The following INSL6 variants were observed in gnomAD, a reference collection of about 807,000 sequenced individuals.
The protein encoded by INSL6 is insulin like 6, also known as insulin-like peptide INSL6.
Under a neutral mutation model 9.4 loss-of-function variants are expected in INSL6, and 16 were observed. The observed-to-expected ratio is 1.70, with a 90% CI of 1.15 to 2.59. The LOEUF is 2.59. Among genes scored for constraint, INSL6 ranks in the 30% most tolerant of loss-of-function variants. The pLI is 0.00. For missense variants in INSL6, 391 were observed against 257.3 expected (o/e 1.52, Z -3.56); for synonymous variants, 154 against 96.9 (o/e 1.59, Z -3.46).
chr9:5,134,671 A>G (rs1824357818), intron 2 of INSL6, among the ~76,000 whole-genome samples: 1 of 152,194 alleles, frequency 6.6e-6, no homozygotes, highest in Non-Finnish European at 1.5e-5. Context: ...CCTGCCTAAC[A>G]AGAGCTCCTG....
At chr9:5,047,067 T>A in the INSL6 span, among the ~76,000 whole-genome samples, 6 of 152,346 alleles carry the variant, frequency 3.9e-5, no homozygotes, top group African/African-American at 1.4e-4. Flanking sequence ...AATTCCACCA[T>A]ATAATTCTAA....
At chr9:5,048,453 C>A in the INSL6 span, among the ~76,000 whole-genome samples, 1 of 152,060 alleles carries the variant, frequency 6.6e-6, no homozygotes, top group Non-Finnish European at 1.5e-5. Flanking sequence ...TCTACTAGTT[C>A]TATAGGGAAC....
the INSL6 span, chr9:5,050,586 A>C: frequency 1.2e-3 from 1,528 of 1,241,696 alleles, 25 homozygotes; most frequent in African/African-American, 0.022. Flanking sequence ...GTATCTTGTA[A>C]ATGCATATGT....
chr9:5,084,052 C>T, the INSL6 span, among the ~76,000 whole-genome samples: 12 of 151,880 alleles, frequency 7.9e-5, no homozygotes, highest in Non-Finnish European at 1.5e-4. Context: ...AGTTAATGTT[C>T]TTTTGCTTTT....
At chr9:5,072,194 A>G in the INSL6 span, among the ~76,000 whole-genome samples, 1 of 152,188 alleles carries the variant, frequency 6.6e-6, no homozygotes, top group Non-Finnish European at 1.5e-5. Flanking sequence ...ATGTAAGCAA[A>G]TGTAGGTAAA....
intron 2 of INSL6, among the ~76,000 whole-genome samples, chr9:5,139,699 G>C (rs1824455333): frequency 6.6e-6 from 1 of 152,162 alleles, no homozygotes; most frequent in Non-Finnish European, 1.5e-5. Context: ...AGTCCAAAGA[G>C]GTTAGCTTGA....
At chr9:5,001,595 T>C in the INSL6 span, among the ~76,000 whole-genome samples, 1 of 152,024 alleles carries the variant, frequency 6.6e-6, no homozygotes, top group African/African-American at 2.4e-5. Context: ...TCTATTATTT[T>C]GTTATGTTCA....
chr9:5,010,438 A>G, the INSL6 span, among the ~76,000 whole-genome samples: 1 of 151,956 alleles, frequency 6.6e-6, no homozygotes, highest in Non-Finnish European at 1.5e-5. Context: ...CTCCTGCCTC[A>G]GCCTCCCGTG....
intron 2 of INSL6, among the ~76,000 whole-genome samples, chr9:5,142,806 AC>A (rs1407530288): frequency 2.0e-5 from 3 of 151,978 alleles, no homozygotes; most frequent in African/African-American, 7.2e-5. Context: ...TCAAACTTTT[AC>A]CCATTCAGTA....
At chr9:5,006,965 G>A in the INSL6 span, among the ~76,000 whole-genome samples, 1 of 151,952 alleles carries the variant, frequency 6.6e-6, no homozygotes, top group African/African-American at 2.4e-5. Context: ...TGTAAGCTCT[G>A]GTAATAATGT....
chr9:5,168,733 C>T (rs1176826330), intron 1 of INSL6, among the ~76,000 whole-genome samples: 1 of 151,878 alleles, frequency 6.6e-6, no homozygotes, highest in East Asian at 1.9e-4. Context: ...TCCAGAGAAC[C>T]CCAATAAGAT....
chr9:5,012,742 A>G, the INSL6 span, among the ~76,000 whole-genome samples: 3 of 152,208 alleles, frequency 2.0e-5, no homozygotes, highest in African/African-American at 7.2e-5. Flanking sequence ...ATTATAAGGT[A>G]TTGAAGCCTA....
At chr9:5,065,790 C>T in the INSL6 span, among the ~76,000 whole-genome samples, 1 of 152,002 alleles carries the variant, frequency 6.6e-6, no homozygotes, top group Non-Finnish European at 1.5e-5. Flanking sequence ...ATAACTCGAG[C>T]AAAGGGAAAA....
the INSL6 span, chr9:5,114,611 G>A: frequency 2.0e-6 from 1 of 488,220 alleles, no homozygotes; most frequent in Non-Finnish European, 4.0e-6. Flanking sequence ...TGTACAACGA[G>A]GTGCAGCTCC....
intron 2 of INSL6, among the ~76,000 whole-genome samples, chr9:5,136,964 T>G (rs1007540029): frequency 6.6e-6 from 1 of 152,136 alleles, no homozygotes; most frequent in Non-Finnish European, 1.5e-5. Flanking sequence ...ACAAGCATTC[T>G]TATACACCAA....
chr9:5,077,381 A>G, the INSL6 span: 1 of 541,152 alleles, frequency 1.8e-6, no homozygotes, highest in Non-Finnish European at 2.8e-6. Flanking sequence ...TGTAAGTATA[A>G]AGATTTAAAT....
intron 2 of INSL6, among the ~76,000 whole-genome samples, chr9:5,149,586 T>G (rs957810667): frequency 6.6e-6 from 1 of 152,098 alleles, no homozygotes; most frequent in East Asian, 1.9e-4. Context: ...TGAAAGAAAT[T>G]ATAGATGACA....
chr9:5,112,668 A>T, the INSL6 span: 4 of 952,412 alleles, frequency 4.2e-6, no homozygotes, highest in African/African-American at 6.8e-5. Flanking sequence ...ATCCTGCACC[A>T]GGCCGTCTCG....
chr9:5,093,967 C>G, the INSL6 span, among the ~76,000 whole-genome samples: 5 of 152,242 alleles, frequency 3.3e-5, no homozygotes, highest in South Asian at 8.3e-4. Flanking sequence ...TGCCCTCCCC[C>G]CATAAATGAT....
Sources: gnomAD v4.1 joint callset for allele counts (sites outside exome capture counted in the v4.1 genomes callset) on GRCh38, gnomAD v4.1.1 for gene constraint, MANE v1.5 for transcripts, NCBI Gene and HGNC (gene_info 2026-07-23, HGNC 2026-07-21) for gene names.